The following UNC5C variants were observed in gnomAD, a reference collection of about 807,000 sequenced individuals.
The protein encoded by UNC5C is unc-5 netrin receptor C.
Under a neutral mutation model 99.8 loss-of-function variants are expected in UNC5C, and 47 were observed. That is an observed-to-expected ratio of 0.47 (90% CI 0.37 to 0.60). The LOEUF (loss-of-function observed/expected upper bound fraction) is 0.60. UNC5C is among the 20% of genes least tolerant of loss of function. The probability of loss-of-function intolerance (pLI) is 0.00; values close to 1 mark genes in which losing one functional copy is unlikely to be tolerated. For missense variants in UNC5C, 1,062 were observed against 1,165.9 expected (o/e 0.91, Z 1.30); for synonymous variants, 487 against 452.2 (o/e 1.08, Z -0.98).
intron 1 of UNC5C, among the ~76,000 whole-genome samples, chr4:95,353,249 C>T (rs548726209): frequency 1.3e-5 from 2 of 152,110 alleles, no homozygotes; most frequent in South Asian, 2.1e-4. Context: ...CACACCTAAG[C>T]GGGTTCTAAA....
At chr4:95,240,094 T>C (rs990900807) in intron 7 of UNC5C, among the ~76,000 whole-genome samples, 6 of 152,206 alleles carry the variant, frequency 3.9e-5, no homozygotes, top group African/African-American at 1.4e-4. Context: ...GAAGGACTAT[T>C]TATTAATGCA....
intron 9 of UNC5C, 65 bp from the exon 10 acceptor site, chr4:95,216,276 A>AT (rs1738247233): frequency 7.7e-7 from 1 of 1,290,682 alleles, no homozygotes; most frequent in Non-Finnish European, 1.1e-6. Flanking sequence ...GAATGAGGAG[A>AT]TTTTGTGACC....
chr4:95,540,110 C>T (rs923205992), intron 1 of UNC5C, among the ~76,000 whole-genome samples: 6 of 152,164 alleles, frequency 3.9e-5, no homozygotes, highest in African/African-American at 2.4e-5. Flanking sequence ...TAGTATAGCA[C>T]TGATTTAAAT....
chr4:95,330,549 G>T (rs1490302960), intron 2 of UNC5C, among the ~76,000 whole-genome samples: 1 of 151,998 alleles, frequency 6.6e-6, no homozygotes, highest in Non-Finnish European at 1.5e-5. Context: ...TTGGCTGTCT[G>T]TACATAGGAA....
chr4:95,446,889 G>GCTAT (rs1181757527), intron 1 of UNC5C, among the ~76,000 whole-genome samples: 1 of 152,078 alleles, frequency 6.6e-6, no homozygotes, highest in Non-Finnish European at 1.5e-5. Context: ...TTTTATCTTG[G>GCTAT]CTATCCATGC....
intron 1 of UNC5C, among the ~76,000 whole-genome samples, chr4:95,512,937 A>G (rs570215533): frequency 6.6e-6 from 1 of 152,334 alleles, no homozygotes; most frequent in South Asian, 2.1e-4. Flanking sequence ...TACTTGATAA[A>G]TTAATTAATT....
rs1178798523 is a variant in UNC5C, at chr4:95,163,363, C to T, written c.*5871G>A. Reference sequence around the variant, plus strand: ...AACAGAGTTGTTTTAACATTGAGAACCTATGTAGCTCAGGTCCCCATTCTC... The same window carrying T: ...AACAGAGTTGTTTTAACATTGAGAATCTATGTAGCTCAGGTCCCCATTCTC... On this transcript the variant is annotated 3_prime_UTR_variant, in exon 16 of 16. Transcript: ENST00000453304. 6.6e-6 allele frequency: 1 copy of T among 152,182 alleles called. No individual in the cohort carries two copies. The highest frequency in any genetic ancestry group is 1.5e-5 in the Non-Finnish European group (1 of 68,042). 9.4% of individuals were successfully genotyped at this position (152,182 alleles called of 1,614,324 possible). A position where few individuals can be genotyped will look rare whatever the true frequency, so the allele number is the denominator to read the frequency against.
chr4:95,219,197 G>T lies in UNC5C; in HGVS notation c.1417C>A (p.Pro473Thr), dbSNP rs537865725. The T allele has an allele frequency of 1.9e-6, 3 of 1,614,158 alleles. No homozygotes were observed. The South Asian group carries it at 3.3e-5, about 18-fold the overall frequency. The stretch of plus-strand genomic sequence containing the variant: ...ACTTTGATTTTCAGGTTGGGCAGTG[G>T]ATCCAGAATTGGAGAGTTGGTCATT... ...IPMTNSPILDPLPNLKIKVYN... is the reference protein window; with the variant it reads ...IPMTNSPILDTLPNLKIKVYN... The change falls in exon 9 of 16, where the codon CCA becomes ACA. Residue 473 changes from proline to threonine, a missense_variant. By Grantham distance (38) the Pro-to-Thr change is conservative. Transcript: ENST00000453304.
At chr4:95,395,844 C>T (rs984494383) in intron 1 of UNC5C, among the ~76,000 whole-genome samples, 1 of 152,158 alleles carries the variant, frequency 6.6e-6, no homozygotes, top group African/African-American at 2.4e-5. Flanking sequence ...GAGCATTAGA[C>T]CAAGCATGGG....
intron 14 of UNC5C, among the ~76,000 whole-genome samples, chr4:95,176,104 A>G (rs2149346494): frequency 6.6e-6 from 1 of 150,818 alleles, no homozygotes; most frequent in African/African-American, 2.4e-5. Context: ...CAGCTCCTTT[A>G]AGCACTTCTC....
intron 1 of UNC5C, among the ~76,000 whole-genome samples, chr4:95,481,428 TACTGCCCAAGGTAATCTATAGATTC>T (rs1721150200): frequency 6.6e-6 from 1 of 151,864 alleles, no homozygotes; most frequent in Non-Finnish European, 1.5e-5. Flanking sequence ...AAAATGGCCA[TACTGCCCAAGGTAATCTATAGATTC>T]AATGCCATCC....
chr4:95,339,147 A>C (rs1051637566), intron 1 of UNC5C, among the ~76,000 whole-genome samples: 9 of 152,104 alleles, frequency 5.9e-5, no homozygotes, highest in Non-Finnish European at 1.3e-4. Flanking sequence ...TTTCTAAAGG[A>C]AAACACAATT....
rs1364702968 is a variant in UNC5C at position 95,394,966 on chromosome 4, T to G, written c.125-59335A>C. Among the ~76,000 whole-genome samples, 4 of 152,176 alleles carry G rather than the reference T, an allele frequency of 2.6e-5. No individual in the cohort carries two copies. The East Asian group carries it at 7.7e-4, about 29-fold the overall frequency. ...GCAAACTGAATCAAAAATTCCTCAATCATTGCTCAAGTAGGTCAACTAGAA... is the reference window on the plus strand; with the variant it reads ...GCAAACTGAATCAAAAATTCCTCAAGCATTGCTCAAGTAGGTCAACTAGAA... On this transcript the variant is annotated intron_variant, in intron 1 of 15. Coordinates refer to ENST00000453304, the MANE Select transcript of UNC5C (RefSeq NM_003728.4).
chr4:95,284,984 C>G (rs1259240526), intron 3 of UNC5C, among the ~76,000 whole-genome samples: 1 of 152,114 alleles, frequency 6.6e-6, no homozygotes, highest in Non-Finnish European at 1.5e-5. Flanking sequence ...ACCTTTGAGC[C>G]CTGCTGATTT....
intron 3 of UNC5C, among the ~76,000 whole-genome samples, chr4:95,296,702 G>C (rs573726680): frequency 1.3e-5 from 2 of 152,222 alleles, no homozygotes; most frequent in South Asian, 4.1e-4. Flanking sequence ...TGCTATTAAT[G>C]AATACATAGA....
At chr4:95,448,225 T>TGGGAGAGAGAGA (rs1260024385) in intron 1 of UNC5C, among the ~76,000 whole-genome samples, 1 of 105,672 alleles carries the variant, frequency 9.5e-6, no homozygotes, top group African/African-American at 3.9e-5. Context: ...TGTGTGTGTG[T>TGGGAGAGAGAGA]GTGAGAGAGA....
chr4:95,473,836 C>G (rs906922493), intron 1 of UNC5C, among the ~76,000 whole-genome samples: 2 of 152,012 alleles, frequency 1.3e-5, no homozygotes, highest in African/African-American at 4.8e-5. Context: ...TATGAGAGAC[C>G]AGCACAGTTT....
rs1173762536 is a variant in UNC5C, at chr4:95,172,639, G to A, written c.2452-2307C>T. Among the ~76,000 whole-genome samples, 41 of 151,814 alleles carry A rather than the reference G, an allele frequency of 2.7e-4. 1 individual carries two copies. The highest frequency in any genetic ancestry group is 9.9e-4 in the African/African-American group (41 of 41,248). On this transcript the variant is annotated intron_variant, in intron 14 of 15. Transcript: ENST00000453304. ...CCAGTACCATGCTGTTTTGGTTACT[G>A]TAGCCTTGTAGTATAGTTTGAAGTC... is the stretch of plus-strand genomic sequence containing the variant.
At chr4:95,323,131 T>C (rs1427448680) in intron 2 of UNC5C, among the ~76,000 whole-genome samples, 1 of 152,152 alleles carries the variant, frequency 6.6e-6, no homozygotes, top group Non-Finnish European at 1.5e-5. Context: ...TTTGAGATAC[T>C]TCTTTAAGAA....
Sources: gnomAD v4.1 joint callset for allele counts (sites outside exome capture counted in the v4.1 genomes callset) on GRCh38, gnomAD v4.1.1 for gene constraint, MANE v1.5 for transcripts, NCBI Gene and HGNC (gene_info 2026-07-23, HGNC 2026-07-21) for gene names.